Variants in IMMP2L observed in about 807,000 individuals in gnomAD.
IMMP2L encodes mitochondrial inner membrane protease subunit 2.
A neutral mutation model predicts 19.3 loss-of-function variants in IMMP2L; 18 were observed. The ratio of observed to expected loss-of-function variants is 0.93; its 90% CI spans 0.64 to 1.38. The LOEUF (loss-of-function observed/expected upper bound fraction) is 1.38, where lower values mean the gene tolerates loss of function less well. Ranked by LOEUF, IMMP2L falls within the 40% of genes most tolerant of loss-of-function variation. The pLI is 0.00. For missense variants in IMMP2L, 233 were observed against 218.2 expected, an observed-to-expected ratio of 1.07 and a Z score of -0.43; for synonymous variants, 76 against 73.0, an observed-to-expected ratio of 1.04 and a Z score of -0.21.
chr7:110,973,319 A>G (rs2129556902), intron 3 of IMMP2L, among the ~76,000 whole-genome samples: 1 of 152,178 alleles, frequency 6.6e-6, no homozygotes, highest in South Asian at 2.1e-4. Flanking sequence ...TCATACCTTA[A>G]TAAATCTGGG....
chr7:111,291,037 G>T (rs1821049967), intron 3 of IMMP2L, among the ~76,000 whole-genome samples: 1 of 151,966 alleles, frequency 6.6e-6, no homozygotes, highest in Non-Finnish European at 1.5e-5. Context: ...TCCTATAGAA[G>T]TTCTTCATGT....
intron 3 of IMMP2L, among the ~76,000 whole-genome samples, chr7:111,035,919 T>C (rs1791299435): frequency 6.6e-6 from 1 of 152,118 alleles, no homozygotes; most frequent in Non-Finnish European, 1.5e-5. Context: ...TGTGCCTCAG[T>C]TTCCTCATCT....
At chr7:111,521,921 G>T (rs993685575) in intron 1 of IMMP2L, among the ~76,000 whole-genome samples, 2 of 152,046 alleles carry the variant, frequency 1.3e-5, no homozygotes, top group Admixed American at 6.6e-5. Context: ...GAGTAGAAAG[G>T]ATATAATTCT....
At chr7:110,857,315 C>A (rs189075725) in intron 5 of IMMP2L, among the ~76,000 whole-genome samples, 1 of 152,038 alleles carries the variant, frequency 6.6e-6, no homozygotes, top group African/African-American at 2.4e-5. Context: ...CTATAATTTG[C>A]ATAAATAGAA....
chr7:110,946,144 G>C (rs952087999), intron 4 of IMMP2L, among the ~76,000 whole-genome samples: 3 of 152,088 alleles, frequency 2.0e-5, no homozygotes, highest in African/African-American at 7.2e-5. Flanking sequence ...TTAAAACCTA[G>C]ATTTCTGGGC....
At chr7:110,664,253 G>T (rs1584434422) in intron 5 of IMMP2L, among the ~76,000 whole-genome samples, 2 of 151,984 alleles carry the variant, frequency 1.3e-5, no homozygotes, top group South Asian at 4.2e-4. Context: ...TATATATTTT[G>T]TGAAAAACAT....
rs187199309 is a variant in IMMP2L at position 110,896,427 on chromosome 7, A to G, written c.306-9732T>C. Among the ~76,000 whole-genome samples the G allele has an allele frequency of 1.6e-3, 237 of 152,290 alleles. 1 individual carries two copies. The highest frequency in any genetic ancestry group is 5.3e-3 in the African/African-American group (219 of 41,560). ...TCTATGGATGACTTCTGGCAAGCCA[A>G]TTTAAATACAATAGTGAACTTGTTA... On this transcript the variant is annotated intron_variant, in intron 4 of 5. Coordinates refer to ENST00000405709, the MANE Select transcript of IMMP2L (RefSeq NM_032549.4).
intron 5 of IMMP2L, among the ~76,000 whole-genome samples, chr7:110,666,430 A>G (rs557834638): frequency 3.4e-4 from 52 of 152,118 alleles, no homozygotes; most frequent in African/African-American, 1.2e-3. Flanking sequence ...GCCCGCCACC[A>G]TGCCCGGCTA....
intron 3 of IMMP2L, among the ~76,000 whole-genome samples, chr7:111,067,249 A>T (rs1026217023): frequency 1.3e-5 from 2 of 152,208 alleles, no homozygotes; most frequent in Non-Finnish European, 2.9e-5. Context: ...TACTCAGATG[A>T]AATCAGTATC....
At chr7:111,059,855 T>C (rs1325925488) in intron 3 of IMMP2L, among the ~76,000 whole-genome samples, 1 of 151,544 alleles carries the variant, frequency 6.6e-6, no homozygotes, top group Non-Finnish European at 1.5e-5. Context: ...ATTCAGGGTA[T>C]GAATATATAA....
At position 110,701,724 on chromosome 7, in the gene IMMP2L, C is replaced by T. The variant is rs190743919; in HGVS notation, c.409-38003G>A. Among the ~76,000 whole-genome samples the T allele has an allele frequency of 7.3e-4, 111 of 152,052 alleles. 1 individual carries two copies. The highest frequency in any genetic ancestry group is 4.1e-3 in the Admixed American group (62 of 15,274). ...ACAGGTGTGAGCCACCGTGCCCAGA[C>T]GACAAAAGAATTATTAATCCCATTT... is the stretch of plus-strand genomic sequence containing the variant. On this transcript the variant is annotated intron_variant, in intron 5 of 5. Transcript: ENST00000405709.
intron 1 of IMMP2L, among the ~76,000 whole-genome samples, chr7:111,549,955 A>C (rs556710221): frequency 1.3e-5 from 2 of 152,080 alleles, no homozygotes; most frequent in East Asian, 3.9e-4. Context: ...AAAAAAAAAA[A>C]AACATAGTGA....
intron 5 of IMMP2L, among the ~76,000 whole-genome samples, chr7:110,829,277 T>C (rs1803759917): frequency 6.6e-6 from 1 of 152,158 alleles, no homozygotes; most frequent in Admixed American, 6.5e-5. Flanking sequence ...CCAAATATTT[T>C]ATAGAACATC....
chr7:111,306,849 G>A (rs1822932099), intron 3 of IMMP2L, among the ~76,000 whole-genome samples: 1 of 151,722 alleles, frequency 6.6e-6, no homozygotes, highest in Admixed American at 6.6e-5. Context: ...ACAGCAAATG[G>A]GGGAGGCAGG....
intron 4 of IMMP2L, among the ~76,000 whole-genome samples, chr7:110,906,677 C>T (rs1812487681): frequency 6.6e-6 from 1 of 151,748 alleles, no homozygotes; most frequent in African/African-American, 2.4e-5. Context: ...GTTATTTAAC[C>T]ACTACTTAAT....
At chr7:111,086,343 G>A (rs1477754955) in intron 3 of IMMP2L, among the ~76,000 whole-genome samples, 3 of 151,962 alleles carry the variant, frequency 2.0e-5, no homozygotes, top group African/African-American at 7.3e-5. Context: ...TGGAAGCTGA[G>A]GTAGGAGGAA....
intron 3 of IMMP2L, among the ~76,000 whole-genome samples, chr7:111,020,182 G>A (rs892243494): frequency 2.0e-5 from 3 of 149,220 alleles, no homozygotes; most frequent in African/African-American, 4.9e-5. Flanking sequence ...TCAGGAGTTC[G>A]AGACCAGCCT....
At chr7:111,138,837 G>A (rs1802596926) in intron 3 of IMMP2L, among the ~76,000 whole-genome samples, 4 of 152,184 alleles carry the variant, frequency 2.6e-5, no homozygotes, top group African/African-American at 7.2e-5. Context: ...GGAATAGCTT[G>A]GCATTTCTGC....
intron 3 of IMMP2L, among the ~76,000 whole-genome samples, chr7:111,302,879 T>C: frequency 6.6e-6 from 1 of 152,094 alleles, no homozygotes; most frequent in East Asian, 1.9e-4. Context: ...GTGAGATAAT[T>C]TCTGGGGCTA....
Sources: allele counts gnomAD v4.1 joint callset (sites outside exome capture counted in the v4.1 genomes callset), GRCh38; gene constraint gnomAD v4.1.1; transcripts MANE v1.5; gene names NCBI Gene and HGNC (gene_info 2026-07-23, HGNC 2026-07-21).